INPP5F: variants seen among roughly 807,000 people sequenced by gnomAD.
The protein encoded by INPP5F is phosphatidylinositide 4-phosphatase SAC2.
A neutral mutation model predicts 137.2 loss-of-function variants in INPP5F; 97 were observed. The observed-to-expected ratio is 0.71, with a 90% CI of 0.60 to 0.84. The LOEUF (loss-of-function observed/expected upper bound fraction) is 0.84. Among genes scored for constraint, INPP5F ranks in the 40% least tolerant of loss-of-function variants. INPP5F has a pLI of 0.00. For missense variants in INPP5F, 1,271 were observed against 1,371.9 expected (o/e 0.93, Z 1.16); for synonymous variants, 504 against 476.9 (o/e 1.06, Z -0.74).
Position 119,807,989 on chromosome 10 carries a change from A to C in INPP5F, c.1498A>C (p.Ile500Leu). 1 of 1,614,016 alleles carries C rather than the reference A, an allele frequency of 6.2e-7. No individual in the cohort carries two copies. Among genetic ancestry groups the C allele is most frequent in the African/African-American group, 1.3e-5 (1 of 75,046 alleles). ...GCCATTACCTGTGAAATGTAATCGC[A>C]TCTACCAGATAATGTGGGCCAATAA... ...EQPLPVKCNR[I>L]YQIMWANNGD... Residue 500 changes from isoleucine to leucine, a missense_variant, in exon 13 of 20, where the codon ATC (isoleucine) becomes CTC (leucine). By Grantham distance (5) the Ile-to-Leu change is conservative. Around this residue, in one of 6 missense-constraint regions of INPP5F, gnomAD observed 593 missense variants for 712.4 expected, o/e 0.83. Coordinates refer to ENST00000650623, the MANE Select transcript of INPP5F (RefSeq NM_014937.4).
intron 10 of INPP5F, 46 bp from the exon 11 acceptor site, chr10:119,805,338 T>A (rs753183016): frequency 1.4e-6 from 2 of 1,464,030 alleles, no homozygotes; most frequent in Non-Finnish European, 1.9e-6. Flanking sequence ...TAAAAAAATC[T>A]ATGATTAAAT....
intron 1 of INPP5F, among the ~76,000 whole-genome samples, chr10:119,736,168 T>A (rs1451976222): frequency 6.6e-6 from 1 of 152,190 alleles, no homozygotes; most frequent in Non-Finnish European, 1.5e-5. Flanking sequence ...TCCCAACACA[T>A]TGCCATATTT....
chr10:119,811,409 C>T (rs942491344), intron 14 of INPP5F, among the ~76,000 whole-genome samples: 1 of 152,188 alleles, frequency 6.6e-6, no homozygotes, highest in East Asian at 1.9e-4. Flanking sequence ...CTGTTCAGAT[C>T]TTTGCTCATT....
chr10:119,744,674 C>T (rs1183993600), intron 1 of INPP5F, among the ~76,000 whole-genome samples: 1 of 152,152 alleles, frequency 6.6e-6, no homozygotes, highest in East Asian at 1.9e-4. Context: ...GCCTCAGCCT[C>T]CTGAGTAGCT....
At chr10:119,783,889 C>T (rs891991681) in intron 3 of INPP5F, among the ~76,000 whole-genome samples, 1 of 152,204 alleles carries the variant, frequency 6.6e-6, no homozygotes, top group Non-Finnish European at 1.5e-5. Flanking sequence ...CGTAACGACT[C>T]TTGCTAATTG....
intron 6 of INPP5F, among the ~76,000 whole-genome samples, chr10:119,795,100 C>A (rs1411831144): frequency 6.9e-6 from 1 of 145,114 alleles, no homozygotes; most frequent in African/African-American, 2.6e-5. Context: ...TCCCTCCCTC[C>A]CGGACGGGGC....
intron 1 of INPP5F, among the ~76,000 whole-genome samples, chr10:119,728,538 A>G (rs535329924): frequency 1.2e-4 from 19 of 152,250 alleles, no homozygotes; most frequent in Non-Finnish European, 1.5e-4. Flanking sequence ...CTGGTTATTT[A>G]GCTGAATAGA....
chr10:119,795,150 C>T (rs1451890961), intron 6 of INPP5F, among the ~76,000 whole-genome samples: 5 of 143,942 alleles, frequency 3.5e-5, no homozygotes, highest in Admixed American at 6.8e-5. Context: ...ACCTCCCTCC[C>T]AGACGGGGCG....
At chr10:119,822,770 G>A (rs993677284) in intron 17 of INPP5F, among the ~76,000 whole-genome samples, 8 of 152,180 alleles carry the variant, frequency 5.3e-5, no homozygotes, top group Non-Finnish European at 1.0e-4. Context: ...ATTCCAAGCT[G>A]TCTACTTCTT....
intron 4 of INPP5F, 71 bp from the exon 5 acceptor site, chr10:119,791,798 G>A: frequency 1.4e-6 from 2 of 1,398,222 alleles, no homozygotes; most frequent in Middle Eastern, 4.0e-4. Context: ...TTCTGTCTTA[G>A]GAATTTATGT....
At chr10:119,781,401 T>G (rs915328789) in intron 2 of INPP5F, among the ~76,000 whole-genome samples, 2 of 152,224 alleles carry the variant, frequency 1.3e-5, no homozygotes, top group Non-Finnish European at 2.9e-5. Flanking sequence ...ATCTGATGGG[T>G]GAGCATGGTG....
intron 16 of INPP5F, among the ~76,000 whole-genome samples, chr10:119,821,499 A>G (rs946452814): frequency 6.6e-6 from 1 of 152,198 alleles, no homozygotes; most frequent in African/African-American, 2.4e-5. Context: ...CTCACACCTT[A>G]CCAGAATTGT....
intron 3 of INPP5F, among the ~76,000 whole-genome samples, chr10:119,790,528 C>T (rs1850103264): frequency 6.6e-6 from 1 of 152,200 alleles, no homozygotes; most frequent in Admixed American, 6.5e-5. Flanking sequence ...TTAGTTTCTA[C>T]TTCCAAATTT....
chr10:119,772,656 A>G (rs936690990), intron 2 of INPP5F, among the ~76,000 whole-genome samples: 3 of 152,180 alleles, frequency 2.0e-5, no homozygotes, highest in South Asian at 2.1e-4. Flanking sequence ...ATTTTTAGCA[A>G]TTAGCTCATC....
chr10:119,807,832 C>T, intron 12 of INPP5F, 100 bp from the exon 13 acceptor site: 1 of 1,173,988 alleles, frequency 8.5e-7, no homozygotes, highest in Non-Finnish European at 1.2e-6. Context: ...TTTAAGGGTC[C>T]TAAATTGTAT....
chr10:119,729,214 C>T (rs777174647), intron 1 of INPP5F, among the ~76,000 whole-genome samples: 3 of 150,244 alleles, frequency 2.0e-5, no homozygotes, highest in African/African-American at 7.3e-5. Context: ...GGCGTGTTCT[C>T]GGCTCACTGC....
chr10:119,796,909 A>G lies in INPP5F; in HGVS notation c.864A>G (p.Arg288=). The G allele has an allele frequency of 6.2e-7, 1 of 1,613,630 alleles. No homozygotes were observed. The highest frequency in any genetic ancestry group is 1.7e-5 in the Admixed American group (1 of 60,008). The change falls in exon 7 of 20, where the codon AGA becomes AGG. Residue 288 remains arginine (R), a synonymous_variant. Transcript: ENST00000650623. The part of the protein sequence containing the change: ...VALISRRSRH[R]AGMRYKRRGV... ...TCATTTCACGCCGAAGTAGGCACAG[A>G]GCAGGTGAGTGGAGGGCTGTAATAG...
intron 15 of INPP5F, chr10:119,814,556 T>C (rs1015711892): frequency 1.1e-4 from 16 of 152,238 alleles, no homozygotes; most frequent in African/African-American, 3.9e-4. Flanking sequence ...GCCTTTGGGC[T>C]GTACAGCTGA....
At chr10:119,753,283 CAGTT>C (rs1194579817) in intron 2 of INPP5F, among the ~76,000 whole-genome samples, 5 of 152,162 alleles carry the variant, frequency 3.3e-5, no homozygotes, top group African/African-American at 1.2e-4. Flanking sequence ...TCACTGCAAT[CAGTT>C]AGGAGACCTG....
Sources: gnomAD v4.1 joint callset for allele counts (sites outside exome capture counted in the v4.1 genomes callset) on GRCh38, gnomAD v4.1.1 for gene constraint, gnomAD v4.1.1 regional missense constraint, MANE v1.5 for transcripts, NCBI Gene and HGNC (gene_info 2026-07-23, HGNC 2026-07-21) for gene names.